The following NLGN1 variants were observed in gnomAD, a reference collection of about 807,000 sequenced individuals.
The protein encoded by NLGN1 is neuroligin-1.
In NLGN1, 12 loss-of-function variants were observed where a neutral mutation model predicts 65.5. The observed-to-expected ratio is 0.18, with a 90% CI of 0.12 to 0.30. The LOEUF is 0.30. Among genes scored for constraint, NLGN1 ranks in the 10% least tolerant of loss-of-function variants. NLGN1 has a pLI of 1.00. For missense variants in NLGN1, 750 were observed against 1,007.1 expected, an observed-to-expected ratio of 0.74 and a Z score of 3.46; for synonymous variants, 350 against 359.5, an observed-to-expected ratio of 0.97 and a Z score of 0.30.
chr3:173,876,573 T>C (rs1680085452), intron 4 of NLGN1, among the ~76,000 whole-genome samples: 1 of 152,088 alleles, frequency 6.6e-6, no homozygotes, highest in African/African-American at 2.4e-5. Context: ...TAAAAGCTAT[T>C]CTATGATTCC....
chr3:174,237,849 G>A (rs567539675), intron 4 of NLGN1, among the ~76,000 whole-genome samples: 7 of 152,158 alleles, frequency 4.6e-5, no homozygotes, highest in South Asian at 2.1e-4. Context: ...GAGCCACCAC[G>A]CCTGGCCAGG....
intron 2 of NLGN1, among the ~76,000 whole-genome samples, chr3:173,491,322 C>A (rs1036440758): frequency 6.6e-6 from 1 of 151,826 alleles, no homozygotes; most frequent in Non-Finnish European, 1.5e-5. Flanking sequence ...TGAATTTTGT[C>A]AAAGGCCTTT....
intron 4 of NLGN1, among the ~76,000 whole-genome samples, chr3:174,039,785 T>G (rs1441885004): frequency 6.6e-6 from 1 of 152,148 alleles, no homozygotes; most frequent in African/African-American, 2.4e-5. Flanking sequence ...TTTGTGTTTA[T>G]GGTGCCTTTG....
At chr3:173,412,506 C>G (rs1336806082) in intron 1 of NLGN1, among the ~76,000 whole-genome samples, 1 of 146,688 alleles carries the variant, frequency 6.8e-6, no homozygotes, top group Non-Finnish European at 1.5e-5. Context: ...GCACACTGAC[C>G]TTTTTTTTTT....
chr3:173,929,576 C>T, intron 4 of NLGN1, among the ~76,000 whole-genome samples: 1 of 85,048 alleles, frequency 1.2e-5, no homozygotes, highest in Non-Finnish European at 2.6e-5. Context: ...CTGTCATTTC[C>T]AAAAAAAAAA....
In NLGN1 at chr3:173,823,663, C is replaced by T. The variant is rs373615135; in HGVS notation, c.646+15831C>T. ...TGCAGTAACACAGTAACATGAGCCACATTTCAAGTACTCAATAGTCACATG... is the reference window on the plus strand; with the variant it reads ...TGCAGTAACACAGTAACATGAGCCATATTTCAAGTACTCAATAGTCACATG... On this transcript the variant is annotated intron_variant, in intron 4 of 6. Coordinates refer to ENST00000457714, the Ensembl canonical transcript of NLGN1. Among the ~76,000 whole-genome samples the T allele has an allele frequency of 8.5e-5, 13 of 152,158 alleles. No individual in the cohort carries two copies. The East Asian group carries it at 2.3e-3, about 27-fold the overall frequency.
At chr3:173,578,739 A>G (rs887505507) in intron 2 of NLGN1, among the ~76,000 whole-genome samples, 4 of 152,204 alleles carry the variant, frequency 2.6e-5, no homozygotes, top group African/African-American at 7.2e-5. Context: ...GTCAAAATCA[A>G]TCATGGTACT....
At chr3:173,856,556 A>T (rs1057432917) in intron 4 of NLGN1, among the ~76,000 whole-genome samples, 3 of 152,100 alleles carry the variant, frequency 2.0e-5, no homozygotes, top group Non-Finnish European at 4.4e-5. Context: ...TTCCTTCCTA[A>T]TTAGGAGCTA....
At chr3:173,905,019 C>T (rs1422666614) in intron 4 of NLGN1, among the ~76,000 whole-genome samples, 1 of 152,142 alleles carries the variant, frequency 6.6e-6, no homozygotes, top group Non-Finnish European at 1.5e-5. Context: ...TGGAAAAGCT[C>T]CTTTTTCTAG....
chr3:174,093,285 C>G (rs1481409931), intron 4 of NLGN1, among the ~76,000 whole-genome samples: 2 of 152,128 alleles, frequency 1.3e-5, no homozygotes, highest in African/African-American at 2.4e-5. Context: ...TACAAAAATT[C>G]TGTTATGGCT....
chr3:173,901,356 AT>A (rs201502744), intron 4 of NLGN1, among the ~76,000 whole-genome samples: 7,003 of 136,880 alleles, frequency 0.051, 457 homozygotes, highest in East Asian at 0.15. Context: ...AAAAACTAGT[AT>A]TTTTTTTGGG....
intron 3 of NLGN1, among the ~76,000 whole-genome samples, chr3:173,783,255 CA>C (rs2150330685): frequency 6.6e-6 from 1 of 152,288 alleles, no homozygotes; most frequent in Middle Eastern, 3.4e-3. Flanking sequence ...GAGACCATTA[CA>C]TTTGAGAAAA....
chr3:173,719,491 G>A (rs1242905228), intron 3 of NLGN1, among the ~76,000 whole-genome samples: 1 of 152,078 alleles, frequency 6.6e-6, no homozygotes, highest in Non-Finnish European at 1.5e-5. Context: ...TCTCTTTAAT[G>A]GCTTATAGTG....
intron 3 of NLGN1, among the ~76,000 whole-genome samples, chr3:173,636,747 A>G (rs750842956): frequency 1.5e-4 from 23 of 152,298 alleles, no homozygotes; most frequent in Middle Eastern, 6.8e-3. Context: ...ATTATCTTGT[A>G]TAAAGATAGA....
At chr3:173,412,206 C>T (rs746928900) in intron 1 of NLGN1, among the ~76,000 whole-genome samples, 2 of 152,064 alleles carry the variant, frequency 1.3e-5, no homozygotes, top group Non-Finnish European at 2.9e-5. Flanking sequence ...TACCAGTTTA[C>T]TGTTTTTGTA....
chr3:174,274,833 G>A (rs533757598), intron 4 of NLGN1, among the ~76,000 whole-genome samples: 1 of 151,300 alleles, frequency 6.6e-6, no homozygotes, highest in African/African-American at 2.4e-5. Flanking sequence ...TTCTCTACAA[G>A]TCTTACAGAA....
At chr3:173,488,697 C>T (rs1728569065) in intron 2 of NLGN1, among the ~76,000 whole-genome samples, 1 of 151,722 alleles carries the variant, frequency 6.6e-6, no homozygotes, top group Non-Finnish European at 1.5e-5. Flanking sequence ...GTCTTTTTTC[C>T]TTTTTCTTGA....
intron 4 of NLGN1, among the ~76,000 whole-genome samples, chr3:173,973,689 A>C (rs1438548849): frequency 6.6e-6 from 1 of 152,064 alleles, no homozygotes; most frequent in Non-Finnish European, 1.5e-5. Flanking sequence ...GAAATGTCTA[A>C]TTAAATTGAT....
At chr3:173,580,733 T>C (rs1746258721) in intron 2 of NLGN1, among the ~76,000 whole-genome samples, 1 of 152,046 alleles carries the variant, frequency 6.6e-6, no homozygotes, top group South Asian at 2.1e-4. Flanking sequence ...TACCTTACTC[T>C]GTGAACTCAT....
Sources: gnomAD v4.1 joint callset for allele counts (sites outside exome capture counted in the v4.1 genomes callset) on GRCh38, gnomAD v4.1.1 for gene constraint, MANE v1.5 for transcripts, NCBI Gene and HGNC (gene_info 2026-07-23, HGNC 2026-07-21) for gene names.